Variants in TLK2 observed in about 807,000 individuals in gnomAD.
The protein encoded by TLK2 is tousled like kinase 2, also known as serine/threonine-protein kinase tousled-like 2.
TLK2 carries 6 observed loss-of-function variants against 117.3 expected under a neutral mutation model. That is an observed-to-expected ratio of 0.05 (90% CI 0.03 to 0.10). The LOEUF (loss-of-function observed/expected upper bound fraction) is 0.10, where lower values mean the gene tolerates loss of function less well. TLK2 is among the 10% of genes least tolerant of loss of function. TLK2 has a pLI of 1.00. For missense variants in TLK2, 299 were observed against 901.2 expected (o/e 0.33, Z 8.56); for synonymous variants, 257 against 316.7 (o/e 0.81, Z 2.00).
At chr17:62,601,923 T>C in intron 18 of TLK2, 119 bp from the exon 19 acceptor site, 1 of 858,442 alleles carries the variant, frequency 1.2e-6, no homozygotes, top group Non-Finnish European at 1.7e-6. Context: ...TCCCAGGATT[T>C]GGATGTTTGC....
At chr17:62,594,998 A>G (rs1353976357) in intron 16 of TLK2, among the ~76,000 whole-genome samples, 1 of 152,056 alleles carries the variant, frequency 6.6e-6, no homozygotes, top group Non-Finnish European at 1.5e-5. Context: ...GTCTAACTTT[A>G]TCACCCAGGC....
In TLK2 at chr17:62,542,950, C is replaced by T. The variant is rs567022620; in HGVS notation, c.531+6613C>T. Among the ~76,000 whole-genome samples, 95 of 152,204 alleles carry T rather than the reference C, an allele frequency of 6.2e-4. No homozygotes were observed. The Middle Eastern group carries it at 0.01, about 16-fold the overall frequency. ...AACATGTTAACATTTTGCTAGATAG[C>T]GAAATTAGCATTATAACATGTCTAT... On this transcript the variant is annotated intron_variant, in intron 7 of 21. Transcript: ENST00000346027.
intron 2 of TLK2, among the ~76,000 whole-genome samples, chr17:62,484,220 T>C (rs1250987466): frequency 2.6e-5 from 4 of 152,064 alleles, no homozygotes; most frequent in Non-Finnish European, 4.4e-5. Context: ...ATTTTTTTTT[T>C]CCATAACAAA....
chr17:62,604,770 G>T (rs1488576894), intron 19 of TLK2, among the ~76,000 whole-genome samples: 1 of 151,610 alleles, frequency 6.6e-6, no homozygotes, highest in South Asian at 2.1e-4. Context: ...TTAGCTGGGC[G>T]TGGTGGTGCA....
chr17:62,536,085 A>G, intron 6 of TLK2, 85 bp from the exon 7 acceptor site: 9 of 1,460,688 alleles, frequency 6.2e-6, no homozygotes, highest in Non-Finnish European at 7.4e-6. Flanking sequence ...CTTATATTTG[A>G]TAACTGTTTT....
At chr17:62,576,876 C>A in intron 13 of TLK2, 101 bp downstream of exon 13, 1 of 822,304 alleles carries the variant, frequency 1.2e-6, no homozygotes, top group Non-Finnish European at 2.0e-6. Context: ...AGTAGCTGCA[C>A]ATAGCAGCAG....
In TLK2 at chr17:62,583,732, C is replaced by G. The variant is rs1441277782; in HGVS notation, c.1369-2403C>G. 3.9e-5 allele frequency among the ~76,000 whole-genome samples: 6 copies of G among 152,066 alleles called. No homozygotes were observed. In the East Asian group the frequency reaches 1.2e-3, roughly 30 times the overall value. On this transcript the variant is annotated intron_variant, in intron 15 of 21. Transcript: ENST00000346027. ...AGCTGGGATTACAGGCGCCCGACCC[C>G]ACACCCGGATAATTTTTGTATTTTT...
Position 62,490,833 on chromosome 17 carries a change from T to A in TLK2, c.81+9627T>A, listed in dbSNP as rs1246329353. On this transcript the variant is annotated intron_variant, in intron 2 of 21. Coordinates refer to ENST00000346027, the MANE Select transcript of TLK2 (RefSeq NM_006852.6). ...CTGGGATTACAGGCATGAGCCACCA[T>A]GCCTGGCCTAATTTCAAAAATTTTT... Among the ~76,000 whole-genome samples, 5 of 152,226 alleles carry A rather than the reference T, an allele frequency of 3.3e-5. 1 individual carries two copies. Among genetic ancestry groups the A allele is most frequent in the African/African-American group, 1.2e-4 (5 of 41,470 alleles).
chr17:62,514,291 G>A (rs909390562), intron 2 of TLK2, among the ~76,000 whole-genome samples: 4 of 151,314 alleles, frequency 2.6e-5, no homozygotes, highest in African/African-American at 9.7e-5. Context: ...CTATAGGTGT[G>A]TGCTACCATG....
At chr17:62,602,953 A>G (rs2082978536) in intron 19 of TLK2, among the ~76,000 whole-genome samples, 1 of 152,168 alleles carries the variant, frequency 6.6e-6, no homozygotes, top group African/African-American at 2.4e-5. Flanking sequence ...ATTGGTGTAT[A>G]TAAAGAATGG....
intron 5 of TLK2, among the ~76,000 whole-genome samples, chr17:62,523,900 C>A (rs2076208413): frequency 1.3e-5 from 2 of 152,216 alleles, no homozygotes; most frequent in African/African-American, 4.8e-5. Context: ...ACTAAAGACA[C>A]TAACATCCAC....
intron 17 of TLK2, chr17:62,597,246 A>G (rs2082545889): frequency 2.0e-5 from 3 of 152,300 alleles, no homozygotes; most frequent in African/African-American, 7.2e-5. Context: ...CCTCATATGC[A>G]TGGAATCATA....
intron 16 of TLK2, among the ~76,000 whole-genome samples, chr17:62,586,997 G>A (rs185309912): frequency 3.4e-4 from 51 of 151,988 alleles, no homozygotes; most frequent in African/African-American, 1.1e-3. Context: ...TTCTCCTCCC[G>A]GTCACAGTTT....
chr17:62,524,938 A>T (rs888651121), intron 6 of TLK2, among the ~76,000 whole-genome samples: 53 of 152,236 alleles, frequency 3.5e-4, no homozygotes, highest in Admixed American at 3.2e-3. Flanking sequence ...GAAGTCAGGG[A>T]TGCTGGTAAA....
chr17:62,598,225 A>C (rs1448616007), intron 17 of TLK2, among the ~76,000 whole-genome samples: 1 of 152,206 alleles, frequency 6.6e-6, no homozygotes, highest in South Asian at 2.1e-4. Flanking sequence ...GCCTTGAGCA[A>C]ATTTCTTGAA....
chr17:62,595,578 TCCTC>T (rs1474487535), intron 16 of TLK2, among the ~76,000 whole-genome samples: 7 of 151,598 alleles, frequency 4.6e-5, no homozygotes, highest in Non-Finnish European at 8.8e-5. Context: ...TTTTTTTTCT[TCCTC>T]AGTTCATGGG....
At chr17:62,492,389 C>T (rs2073192087) in intron 2 of TLK2, among the ~76,000 whole-genome samples, 1 of 151,750 alleles carries the variant, frequency 6.6e-6, no homozygotes, top group African/African-American at 2.4e-5. Flanking sequence ...AAAATAGTCT[C>T]AGAATAAGGA....
chr17:62,556,998 C>T (rs1244888683), intron 9 of TLK2, among the ~76,000 whole-genome samples: 1 of 152,218 alleles, frequency 6.6e-6, no homozygotes, highest in African/African-American at 2.4e-5. Flanking sequence ...CGTCATGGCT[C>T]ACTGCAGCCT....
At chr17:62,486,846 G>A (rs948498630) in intron 2 of TLK2, among the ~76,000 whole-genome samples, 8 of 152,156 alleles carry the variant, frequency 5.3e-5, no homozygotes, top group African/African-American at 1.4e-4. Context: ...TGGATTAATA[G>A]GCATTCTCCA....
Sources: gnomAD v4.1 joint callset for allele counts (sites outside exome capture counted in the v4.1 genomes callset) on GRCh38, gnomAD v4.1.1 for gene constraint, MANE v1.5 for transcripts, NCBI Gene and HGNC (gene_info 2026-07-23, HGNC 2026-07-21) for gene names.